Variants in TRHDE observed in about 807,000 individuals in gnomAD.
The protein encoded by TRHDE is thyrotropin-releasing hormone-degrading ectoenzyme.
In TRHDE, 72 loss-of-function variants were observed where a neutral mutation model predicts 125.7. The ratio of observed to expected loss-of-function variants is 0.57; its 90% CI spans 0.47 to 0.70. TRHDE has a LOEUF of 0.70. TRHDE is among the 30% of genes least tolerant of loss of function. The pLI, the probability that TRHDE is intolerant of heterozygous loss-of-function variation, is 0.00. For missense variants in TRHDE, 1,110 were observed against 1,327.1 expected (o/e 0.84, Z 2.54); for synonymous variants, 509 against 509.1 (o/e 1.00, Z 0.00).
At chr12:72,219,552 C>T (rs1411654306) in intron 2 of TRHDE, among the ~76,000 whole-genome samples, 1 of 152,114 alleles carries the variant, frequency 6.6e-6, no homozygotes, top group Non-Finnish European at 1.5e-5. Context: ...CTTTCCCATC[C>T]TGGGTCACAT....
intron 16 of TRHDE, 68 bp downstream of exon 16, chr12:72,652,557 G>T: frequency 7.6e-7 from 1 of 1,317,802 alleles, no homozygotes; most frequent in Non-Finnish European, 1.0e-6. Flanking sequence ...TTGCTCTGAA[G>T]TTGCTTTTAT....
chr12:72,563,153 T>A, intron 9 of TRHDE, 113 bp downstream of exon 9: 1 of 778,046 alleles, frequency 1.3e-6, no homozygotes, highest in Non-Finnish European at 2.0e-6. Context: ...TGAAATATAG[T>A]TTTTGTTTCT....
intron 12 of TRHDE, chr12:72,582,516 T>G (rs2136037801): frequency 1.0e-6 from 1 of 985,446 alleles, no homozygotes; most frequent in Middle Eastern, 5.2e-4. Context: ...TTAAGGTTTC[T>G]CTTGCAAAAC....
At chr12:72,410,974 C>T (rs554535866) in intron 3 of TRHDE, among the ~76,000 whole-genome samples, 1 of 151,900 alleles carries the variant, frequency 6.6e-6, no homozygotes, top group Non-Finnish European at 1.5e-5. Context: ...GGGTGGATCA[C>T]GAGGTCAGGA....
At chr12:72,174,586 A>AT (rs973204757) in intron 2 of TRHDE, among the ~76,000 whole-genome samples, 5 of 151,454 alleles carry the variant, frequency 3.3e-5, no homozygotes, top group Non-Finnish European at 7.4e-5. Flanking sequence ...TCCTTAGCCT[A>AT]TTTTTTTTCC....
chr12:72,207,557 TAAAC>T (rs1182159758), intron 2 of TRHDE, among the ~76,000 whole-genome samples: 1 of 152,148 alleles, frequency 6.6e-6, no homozygotes, highest in Admixed American at 6.5e-5. Flanking sequence ...ATTACAAAAA[TAAAC>T]CTCAAAAAAG....
intron 1 of TRHDE, among the ~76,000 whole-genome samples, chr12:72,284,585 G>T (rs776278201): frequency 1.3e-5 from 2 of 152,070 alleles, no homozygotes; most frequent in Non-Finnish European, 2.9e-5. Flanking sequence ...TGGCAAATTG[G>T]GAAAGAAGAA....
At chr12:72,271,881 G>A, upstream of TRHDE, 1 of 456,192 alleles carries the variant, frequency 2.2e-6, no homozygotes, top group South Asian at 1.5e-5. Flanking sequence ...GGAGGGCAGA[G>A]CAAGACTGGA....
At chr12:72,228,145 C>T (rs750144372) in intron 2 of TRHDE, among the ~76,000 whole-genome samples, 8 of 152,210 alleles carry the variant, frequency 5.3e-5, no homozygotes, top group Non-Finnish European at 8.8e-5. Flanking sequence ...TGTGTGGGGG[C>T]TCCAACCCCA....
At position 72,300,365 on chromosome 12, in the gene TRHDE, TACACACACACACAC is replaced by T. The variant is rs10642447; in HGVS notation, c.1188+13433_1188+13446del. On this transcript the variant is annotated intron_variant, in intron 2 of 18. Transcript: ENST00000261180. ...CACACTCATATAAAATATATGTGTA[TACACACACACACAC>T]ACACACACACACACACACACATTGC... is the stretch of plus-strand genomic sequence containing the variant. 4.9e-5 allele frequency among the ~76,000 whole-genome samples: 5 copies of T among 102,670 alleles called. No individual in the cohort carries two copies. The South Asian group carries it at 1.7e-3, about 35-fold the overall frequency. 67.4% of individuals were successfully genotyped at this position (102,670 alleles called of 152,430 possible).
At chr12:72,657,510 A>T (rs142320153) in intron 18 of TRHDE, among the ~76,000 whole-genome samples, 334 of 152,310 alleles carry the variant, frequency 2.2e-3, no homozygotes, top group African/African-American at 7.7e-3. Context: ...TTAAGCGTAG[A>T]AAGGAGCATA....
intron 2 of TRHDE, among the ~76,000 whole-genome samples, chr12:72,107,663 A>T (rs1462767290): frequency 6.6e-6 from 1 of 152,092 alleles, no homozygotes; most frequent in Non-Finnish European, 1.5e-5. Flanking sequence ...GCATTTGCAG[A>T]CACAGAATTT....
At chr12:72,351,305 G>A (rs541217606) in intron 2 of TRHDE, among the ~76,000 whole-genome samples, 5 of 152,030 alleles carry the variant, frequency 3.3e-5, no homozygotes, top group African/African-American at 7.2e-5. Flanking sequence ...GCCATGTTAC[G>A]AAAGTTTATA....
At chr12:72,264,914 T>G (rs1402281391) in intron 2 of TRHDE, among the ~76,000 whole-genome samples, 1 of 151,712 alleles carries the variant, frequency 6.6e-6, no homozygotes, top group East Asian at 1.9e-4. Context: ...TGTTTTTTTT[T>G]TTAATAGAGA....
At chr12:72,464,019 G>A (rs1042951668) in intron 3 of TRHDE, among the ~76,000 whole-genome samples, 1 of 152,046 alleles carries the variant, frequency 6.6e-6, no homozygotes, top group African/African-American at 2.4e-5. Flanking sequence ...TTCCCTAGAG[G>A]GCAAAACAAA....
rs1875178246 is a variant in TRHDE at position 72,668,674 on chromosome 12, AAT to A, written c.*5484_*5485del. On this transcript the variant is annotated 3_prime_UTR_variant, in exon 19 of 19. Transcript: ENST00000261180. ...GCTAGGCACTTTATAGGTGTCTTCT[AAT>A]ATATGTCTATTGGTATCACATCAAT... The A allele has an allele frequency of 6.6e-6, 1 of 151,848 alleles. No homozygotes were observed. The highest frequency in any genetic ancestry group is 2.4e-5 in the African/African-American group (1 of 41,410). 9.4% of individuals were successfully genotyped at this position (151,848 alleles called of 1,614,324 possible). A position where few individuals can be genotyped will look rare whatever the true frequency, so the allele number is the denominator to read the frequency against.
In TRHDE at chr12:72,114,639, T is replaced by G. The variant is rs145814273; in HGVS notation, n.279+8887T>G. 5.7e-3 allele frequency among the ~76,000 whole-genome samples: 873 copies of G among 152,124 alleles called. 4 individuals carry two copies. The highest frequency in any genetic ancestry group is 0.011 in the South Asian group (51 of 4,814). On this transcript the variant is annotated intron_variant and non_coding_transcript_variant, in intron 2 of 4. Coordinates refer to the TRHDE transcript ENST00000548156. The stretch of plus-strand genomic sequence containing the variant: ...GAAGGGAGAAGTGGAAGAAAATCCA[T>G]GTATAAGTGGACCTTCACGGTTCAG...
rs141487336 is a variant in TRHDE, at chr12:72,226,631, A to C, written n.279+120879A>C. Among the ~76,000 whole-genome samples the C allele has an allele frequency of 8.2e-3, 1,250 of 152,332 alleles. 5 individuals are homozygous for C. Among genetic ancestry groups the C allele is most frequent in the Non-Finnish European group, 0.012 (838 of 68,012 alleles). On this transcript the variant is annotated intron_variant and non_coding_transcript_variant, in intron 2 of 4. Transcript: ENST00000548156. ...TGCTGATTTGTGAATTCCAGAGACC[A>C]AATAGTAGTTATTTGACTTACTGCA...
chr12:72,095,686 G>A (rs1402528573), intron 1 of TRHDE, among the ~76,000 whole-genome samples: 1 of 152,116 alleles, frequency 6.6e-6, no homozygotes, highest in Non-Finnish European at 1.5e-5. Flanking sequence ...CTGTAGATCT[G>A]GATTTTGTAA....
Sources: gnomAD v4.1 joint callset for allele counts (sites outside exome capture counted in the v4.1 genomes callset) on GRCh38, gnomAD v4.1.1 for gene constraint, MANE v1.5 for transcripts, NCBI Gene and HGNC (gene_info 2026-07-23, HGNC 2026-07-21) for gene names.